The following ZNF407 variants were observed in gnomAD, a reference collection of about 807,000 sequenced individuals.
The protein encoded by ZNF407 is zinc finger protein 407.
ZNF407 carries 17 observed loss-of-function variants against 131.2 expected under a neutral mutation model. The observed-to-expected ratio is 0.13, with a 90% CI of 0.09 to 0.19. The LOEUF is 0.19. Ranked by LOEUF, ZNF407 falls within the 10% of genes least tolerant of loss-of-function variation. The pLI is 1.00. For missense variants in ZNF407, 2,681 were observed against 2,830.6 expected, an observed-to-expected ratio of 0.95 and a Z score of 1.20; for synonymous variants, 1,156 against 1,062.0, an observed-to-expected ratio of 1.09 and a Z score of -1.72.
intron 8 of ZNF407, among the ~76,000 whole-genome samples, chr18:74,938,157 T>A (rs1225928137): frequency 1.3e-5 from 2 of 152,230 alleles, no homozygotes; most frequent in Non-Finnish European, 2.9e-5. Context: ...TTTAGAACAT[T>A]TGACCTTATT....
intron 8 of ZNF407, among the ~76,000 whole-genome samples, chr18:74,937,712 G>A (rs1972054044): frequency 1.3e-5 from 2 of 152,142 alleles, no homozygotes; most frequent in Admixed American, 1.3e-4. Flanking sequence ...TTTTAAATAT[G>A]TCTACCATAT....
chr18:74,987,839 G>A (rs1349599271), intron 8 of ZNF407, among the ~76,000 whole-genome samples: 2 of 152,180 alleles, frequency 1.3e-5, no homozygotes, highest in African/African-American at 2.4e-5. Flanking sequence ...CACATTTATA[G>A]ATGGGAGGAC....
chr18:74,636,483 G>A (rs1014961910), intron 2 of ZNF407, among the ~76,000 whole-genome samples: 2 of 152,158 alleles, frequency 1.3e-5, no homozygotes, highest in Non-Finnish European at 2.9e-5. Context: ...GCTTAGACAA[G>A]TTCTGTCTCC....
At chr18:74,609,083 A>G (rs1982940127) in intron 1 of ZNF407, among the ~76,000 whole-genome samples, 1 of 152,142 alleles carries the variant, frequency 6.6e-6, no homozygotes, top group African/African-American at 2.4e-5. Context: ...ATTTATTAGA[A>G]CCAAACATAG....
chr18:74,680,697 A>C (rs547409239), intron 3 of ZNF407, among the ~76,000 whole-genome samples: 3 of 152,190 alleles, frequency 2.0e-5, no homozygotes, highest in Admixed American at 1.3e-4. Context: ...TTTTCTTATA[A>C]TTTTGAAGGG....
chr18:74,995,565 C>CTG (rs1468654446), intron 8 of ZNF407, among the ~76,000 whole-genome samples: 4 of 152,166 alleles, frequency 2.6e-5, no homozygotes, highest in Admixed American at 2.0e-4. Context: ...TGGGTCAGCT[C>CTG]TGTCTCACTG....
intron 8 of ZNF407, among the ~76,000 whole-genome samples, chr18:74,943,533 A>G (rs914816171): frequency 6.6e-6 from 1 of 152,226 alleles, no homozygotes; most frequent in Non-Finnish European, 1.5e-5. Flanking sequence ...ATAGCGATAG[A>G]CTTTGCTATT....
intron 3 of ZNF407, among the ~76,000 whole-genome samples, chr18:74,643,209 A>G (rs1284971962): frequency 6.6e-6 from 1 of 152,122 alleles, no homozygotes; most frequent in Admixed American, 6.5e-5. Flanking sequence ...CATTGACATC[A>G]CTGACAAAGT....
At chr18:74,734,790 G>A (rs1413387783) in intron 3 of ZNF407, among the ~76,000 whole-genome samples, 1 of 151,742 alleles carries the variant, frequency 6.6e-6, no homozygotes, top group African/African-American at 2.4e-5. Flanking sequence ...CTGACATTTA[G>A]TTGAGATGTT....
At chr18:74,770,720 GGT>G (rs1969343299) in intron 3 of ZNF407, among the ~76,000 whole-genome samples, 1 of 152,004 alleles carries the variant, frequency 6.6e-6, no homozygotes, top group South Asian at 2.1e-4. Flanking sequence ...ATTGTGGGTA[GGT>G]GTGTGTTTGT....
chr18:75,064,318 C>T lies in ZNF407; in HGVS notation c.6597C>T (p.Leu2199=). ...TGGAGACTGCGGACTCGCAGGAACT[C>T]CTGCAGGCCGGGGCCACGCTAGGCA... is the stretch of plus-strand genomic sequence containing the variant. The part of the protein sequence containing the change: ...TVLETADSQE[L]LQAGATLGTE... The change falls in exon 9 of 9, where the codon CTC becomes CTT. Residue 2199 remains leucine (L), a synonymous_variant. Coordinates refer to ENST00000299687, the MANE Select transcript of ZNF407 (RefSeq NM_017757.3). 3 of 1,599,774 alleles carry T rather than the reference C, an allele frequency of 1.9e-6. No homozygotes were observed. The highest frequency in any genetic ancestry group is 2.6e-6 in the Non-Finnish European group (3 of 1,174,040).
At chr18:74,971,084 C>T (rs535815468) in intron 8 of ZNF407, among the ~76,000 whole-genome samples, 14 of 152,332 alleles carry the variant, frequency 9.2e-5, no homozygotes, top group African/African-American at 3.1e-4. Context: ...CCCCTTTCAG[C>T]CATGGCTGGA....
chr18:74,878,461 G>C (rs1403853039), intron 5 of ZNF407, among the ~76,000 whole-genome samples: 1 of 152,126 alleles, frequency 6.6e-6, no homozygotes, highest in African/African-American at 2.4e-5. Flanking sequence ...TCTCCAGCCT[G>C]CCCTGAGAGA....
At chr18:74,977,625 A>G (rs4640271) in intron 8 of ZNF407, among the ~76,000 whole-genome samples, 82,685 of 152,150 alleles carry the variant, frequency 0.54, 25,053 homozygotes, top group African/African-American at 0.81. Context: ...GATGTCTCAC[A>G]TCTTGGCAGG....
intron 8 of ZNF407, among the ~76,000 whole-genome samples, chr18:74,979,316 A>AAT (rs1297667168): frequency 2.6e-5 from 4 of 152,184 alleles, no homozygotes; most frequent in Admixed American, 2.0e-4. Flanking sequence ...ATCTACAAGA[A>AAT]ATATATATAT....
At chr18:74,763,762 G>C (rs7240511) in intron 3 of ZNF407, among the ~76,000 whole-genome samples, 3 of 142,094 alleles carry the variant, frequency 2.1e-5, no homozygotes, top group African/African-American at 7.8e-5. Flanking sequence ...CAGGCTGGAG[G>C]GCAGTGGCGC....
At chr18:74,776,848 T>C (rs1969483283) in intron 3 of ZNF407, among the ~76,000 whole-genome samples, 1 of 152,216 alleles carries the variant, frequency 6.6e-6, no homozygotes, top group Admixed American at 6.5e-5. Flanking sequence ...AAAACGTTAT[T>C]AAGATAATCA....
intron 2 of ZNF407, among the ~76,000 whole-genome samples, chr18:74,638,059 T>C (rs751350383): frequency 6.6e-6 from 1 of 152,230 alleles, no homozygotes; most frequent in Non-Finnish European, 1.5e-5. Context: ...TCATGTAACA[T>C]GGGCTGTTGT....
At chr18:74,954,051 G>C (rs1972248157) in intron 8 of ZNF407, among the ~76,000 whole-genome samples, 1 of 152,194 alleles carries the variant, frequency 6.6e-6, no homozygotes, top group South Asian at 2.1e-4. Flanking sequence ...ACATATTTTA[G>C]TCATTGTGGT....
Sources: allele counts gnomAD v4.1 joint callset (sites outside exome capture counted in the v4.1 genomes callset), GRCh38; gene constraint gnomAD v4.1.1; transcripts MANE v1.5; gene names NCBI Gene and HGNC (gene_info 2026-07-23, HGNC 2026-07-21).